CARS1: variants seen among roughly 807,000 people sequenced by gnomAD.
CARS1 encodes the protein cysteinyl-tRNA synthetase 1, also known as cysteine--tRNA ligase, cytoplasmic.
In CARS1, 48 loss-of-function variants were observed where a neutral mutation model predicts 106.2. The observed-to-expected ratio is 0.45, with a 90% CI of 0.36 to 0.57. The LOEUF is 0.57. CARS1 is among the 20% of genes least tolerant of loss of function. The pLI, the probability that CARS1 is intolerant of heterozygous loss-of-function variation, is 0.00. For missense variants in CARS1, 968 were observed against 1,057.2 expected, an observed-to-expected ratio of 0.92 and a Z score of 1.17; for synonymous variants, 409 against 403.4, an observed-to-expected ratio of 1.01 and a Z score of -0.17.
chr11:3,027,916 C>T, intron 9 of CARS1: 1 of 451,418 alleles, frequency 2.2e-6, no homozygotes, highest in Admixed American at 2.4e-5. Context: ...GACTCTGCTC[C>T]TCCACCTCTT....
At chr11:3,027,675 G>C in intron 9 of CARS1, 1 of 286,442 alleles carries the variant, frequency 3.5e-6, no homozygotes, top group South Asian at 3.0e-5. Context: ...AGAGATAGCA[G>C]CTGAGGGGAC....
Position 3,037,979 on chromosome 11 carries a change from A to G in CARS1, c.801+71T>C. The G allele has an allele frequency of 7.0e-7, 1 of 1,426,714 alleles. No individual in the cohort carries two copies. The highest frequency in any genetic ancestry group is 2.1e-4 in the Middle Eastern group (1 of 4,692). The allele number at this position is 1,426,714 out of a possible 1,614,324, so 88.4% of individuals were successfully genotyped here. A position where few individuals can be genotyped will look rare whatever the true frequency, so the allele number is the denominator to read the frequency against. ...GACAATCTGTGGAATCAATCCGTGC[A>G]CACAGATCAGTCTATGCACGGCCCG... On this transcript the variant is annotated intron_variant, in intron 7 of 22. Transcript: ENST00000380525. The surrounding 1 kb of genome is among the most constrained non-coding windows in gnomAD (Gnocchi z 5.9).
In CARS1 at chr11:3,006,821, T is replaced by C. The variant is rs1849913946; in HGVS notation, c.2149+58A>G. On this transcript the variant is annotated intron_variant, in intron 19 of 22. Transcript: ENST00000380525. Reference sequence around the variant, plus strand: ...CTCAGCCCAGCCCCGGGAGCTCTCCTTGTGACACCTCTCCAAGCTCCTGGT... The same window carrying C: ...CTCAGCCCAGCCCCGGGAGCTCTCCCTGTGACACCTCTCCAAGCTCCTGGT... 5.8e-6 allele frequency: 8 copies of C among 1,372,248 alleles called. 1 individual carries two copies. The highest frequency in any genetic ancestry group is 1.8e-4 in the Middle Eastern group (1 of 5,592). 85.0% of individuals were successfully genotyped at this position (1,372,248 alleles called of 1,614,324 possible). A position where few individuals can be genotyped will look rare whatever the true frequency, so the allele number is the denominator to read the frequency against.
intron 19 of CARS1, 129 bp from the exon 20 acceptor site, chr11:3,005,562 A>G: frequency 3.1e-6 from 2 of 642,172 alleles, no homozygotes; most frequent in Non-Finnish European, 5.5e-6. Flanking sequence ...GGCCCACAGG[A>G]GAAAAACAAA....
At chr11:3,042,754 C>A (rs115747142) in intron 2 of CARS1, among the ~76,000 whole-genome samples, 1,586 of 152,274 alleles carry the variant, frequency 0.01, 31 homozygotes, top group African/African-American at 0.036. Flanking sequence ...TGGGAACCTC[C>A]CCCACCCAGG....
rs961202439 is a variant in CARS1 at position 3,041,294 on chromosome 11, A to T, written c.367-310T>A. The T allele has an allele frequency of 1.0e-5, 4 of 394,672 alleles. No homozygotes were observed. The highest frequency in any genetic ancestry group is 1.9e-5 in the Non-Finnish European group (4 of 213,228). 24.4% of individuals were successfully genotyped at this position (394,672 alleles called of 1,614,324 possible). A position where few individuals can be genotyped will look rare whatever the true frequency, so the allele number is the denominator to read the frequency against. ...TTGAAATGCTGCTTATTTAACAATA[A>T]CACAGCTAATATTTACTGAGTACCT... is the stretch of plus-strand genomic sequence containing the variant. On this transcript the variant is annotated intron_variant, in intron 3 of 22. Transcript: ENST00000380525. This position sits in a 1 kb window ranked among gnomAD's most constrained non-coding sequence, Gnocchi z 4.9.
chr11:3,001,364 T>C (rs551164830), intron 22 of CARS1, 116 bp from the exon 23 acceptor site: 1 of 1,203,396 alleles, frequency 8.3e-7, no homozygotes, highest in South Asian at 1.4e-5. Flanking sequence ...CCATGTCCTC[T>C]TGCTTGGACA....
Position 3,029,124 on chromosome 11 carries a change from G to A in CARS1, c.943-40C>T, listed in dbSNP as rs1852425133. On this transcript the variant is annotated intron_variant, in intron 8 of 22. Transcript: ENST00000380525. The surrounding 1 kb of genome is among the most constrained non-coding windows in gnomAD (Gnocchi z 5.9). ...AGAATGTCCTGGGATTTTCCCTTCT[G>A]AAAACCACGCGCTCCATAAAAACGT... The A allele has an allele frequency of 6.6e-7, 1 of 1,517,780 alleles. No homozygotes were observed. The highest frequency in any genetic ancestry group is 1.4e-5 in the African/African-American group (1 of 72,960). 94.0% of individuals were successfully genotyped at this position (1,517,780 alleles called of 1,614,324 possible).
intron 7 of CARS1, chr11:3,031,159 T>C (rs1218939459): frequency 6.6e-6 from 1 of 152,128 alleles, no homozygotes; most frequent in African/African-American, 2.4e-5. Context: ...AAATATCCAA[T>C]AGGATAAGTA....
intron 7 of CARS1, among the ~76,000 whole-genome samples, chr11:3,036,958 T>A (rs965795533): frequency 1.3e-5 from 2 of 151,874 alleles, no homozygotes; most frequent in African/African-American, 2.4e-5. Flanking sequence ...AAAAAGTTTT[T>A]AAAAATGGCT....
At chr11:3,013,943 T>A (rs866778544) in intron 17 of CARS1, among the ~76,000 whole-genome samples, 7 of 152,146 alleles carry the variant, frequency 4.6e-5, no homozygotes, top group Non-Finnish European at 7.3e-5. Context: ...AGAGTGAGAC[T>A]CTGTCTCAAA....
In CARS1 at chr11:3,006,885, G is replaced by A. The variant is rs1407054593; in HGVS notation, c.2143C>T (p.His715Tyr). The A allele has an allele frequency of 6.2e-7, 1 of 1,613,550 alleles. No individual in the cohort carries two copies. The highest frequency in any genetic ancestry group is 1.7e-5 in the Admixed American group (1 of 60,026). ...LPELGVRFED[H>Y]EGLPTVVKLV... ...ACAGCAAGGGCTCACCCACCTTCGTGGTCTTCAAACCGCACCCCAAGCTCG... is the reference window on the plus strand; with the variant it reads ...ACAGCAAGGGCTCACCCACCTTCGTAGTCTTCAAACCGCACCCCAAGCTCG... Residue 715 changes from histidine (H) to tyrosine (Y), a missense_variant, in exon 19 of 23, where the codon CAC (histidine) becomes TAC (tyrosine). His to Tyr is a moderately conservative substitution (Grantham distance 83). Coordinates refer to ENST00000380525, the MANE Select transcript of CARS1 (RefSeq NM_001014437.3).
rs111549151 is a variant in CARS1, at chr11:3,037,091, G to A, written c.801+959C>T. ...TGGTAAGAAGGAAACCTAACTGCCC[G>A]TCCCAGGAGAACAGACAAACAGCTC... is the stretch of plus-strand genomic sequence containing the variant. On this transcript the variant is annotated intron_variant, in intron 7 of 22. Coordinates refer to ENST00000380525, the MANE Select transcript of CARS1 (RefSeq NM_001014437.3). The surrounding 1 kb of genome is among the most constrained non-coding windows in gnomAD (Gnocchi z 5.9). Among the ~76,000 whole-genome samples the A allele has an allele frequency of 1.1e-4, 16 of 152,194 alleles. No homozygotes were observed. The highest frequency in any genetic ancestry group is 1.9e-4 in the East Asian group (1 of 5,186).
rs1854736588 is a variant in CARS1 at position 3,043,460 on chromosome 11, G to T, written c.275-1204C>A. On this transcript the variant is annotated intron_variant, in intron 2 of 22. Coordinates refer to ENST00000380525, the MANE Select transcript of CARS1 (RefSeq NM_001014437.3). The surrounding 1 kb of genome is among the most constrained non-coding windows in gnomAD (Gnocchi z 4.0). The stretch of plus-strand genomic sequence containing the variant: ...CCAGGTTCTGCGTTATGCTCTGCTG[G>T]GCACCTCTGACCCCAGCTGGTGCCT... Among the ~76,000 whole-genome samples, 3 of 151,574 alleles carry T rather than the reference G, an allele frequency of 2.0e-5. No homozygotes were observed. Among genetic ancestry groups the T allele is most frequent in the Non-Finnish European group, 4.4e-5 (3 of 67,920 alleles).
At position 3,044,593 on chromosome 11, in the gene CARS1, C is replaced by T. The variant is rs1854886993; in HGVS notation, c.275-2337G>A. 6.6e-6 allele frequency among the ~76,000 whole-genome samples: 1 copy of T among 152,150 alleles called. No individual in the cohort carries two copies. Among genetic ancestry groups the T allele is most frequent in the Admixed American group, 6.5e-5 (1 of 15,284 alleles). Reference sequence around the variant, plus strand: ...TGTATCTTTAGTAGGGATGGGGTTTCACCATATTGGCCAGGCTGGTCTCAA... The same window carrying T: ...TGTATCTTTAGTAGGGATGGGGTTTTACCATATTGGCCAGGCTGGTCTCAA... On this transcript the variant is annotated intron_variant, in intron 2 of 22. Coordinates refer to ENST00000380525, the MANE Select transcript of CARS1 (RefSeq NM_001014437.3). The surrounding 1 kb of genome is among the most constrained non-coding windows in gnomAD (Gnocchi z 4.4).
chr11:3,047,337 A>C (rs994154090), intron 2 of CARS1, among the ~76,000 whole-genome samples: 27 of 152,220 alleles, frequency 1.8e-4, no homozygotes, highest in Non-Finnish European at 1.2e-4. Flanking sequence ...ACAATTCTAA[A>C]GCTGGAGGAT....
At position 3,037,489 on chromosome 11, in the gene CARS1, T is replaced by C. The variant is rs1183953036; in HGVS notation, c.801+561A>G. On this transcript the variant is annotated intron_variant, in intron 7 of 22. Coordinates refer to ENST00000380525, the MANE Select transcript of CARS1 (RefSeq NM_001014437.3). This position sits in a 1 kb window ranked among gnomAD's most constrained non-coding sequence, Gnocchi z 5.9. ...CGGCGCTGGCACAAAGGAGAAGGCC[T>C]TCCTGACTGTGTCCAGGGCGCCAGC... Among the ~76,000 whole-genome samples the C allele has an allele frequency of 6.6e-6, 1 of 152,196 alleles. No homozygotes were observed. Among genetic ancestry groups the C allele is most frequent in the Non-Finnish European group, 1.5e-5 (1 of 68,040 alleles).
chr11:3,028,786 C>T lies in CARS1; in HGVS notation c.1031+210G>A. 1 of 546,936 alleles carries T rather than the reference C, an allele frequency of 1.8e-6. No homozygotes were observed. The highest frequency in any genetic ancestry group is 2.7e-5 in the South Asian group (1 of 36,558). The allele number at this position is 546,936 out of a possible 1,614,324, so 33.9% of individuals were successfully genotyped here. On this transcript the variant is annotated intron_variant, in intron 9 of 22. Transcript: ENST00000380525. The surrounding 1 kb of genome is among the most constrained non-coding windows in gnomAD (Gnocchi z 4.4). The stretch of plus-strand genomic sequence containing the variant: ...TTCCCAGCAGATTCTGGGTTAGGTT[C>T]TCACCATGGCCCCCAGGACAGTGCA...
chr11:3,052,611 A>G lies in CARS1; in HGVS notation c.26-4610T>C, dbSNP rs1428652755. Among the ~76,000 whole-genome samples, 6 of 152,230 alleles carry G rather than the reference A, an allele frequency of 3.9e-5. No individual in the cohort carries two copies. The East Asian group carries it at 1.2e-3, about 29-fold the overall frequency. On this transcript the variant is annotated intron_variant, in intron 1 of 22. Transcript: ENST00000380525. This position sits in a 1 kb window ranked among gnomAD's most constrained non-coding sequence, Gnocchi z 4.6. The stretch of plus-strand genomic sequence containing the variant: ...GGCTCATCAAAAGGGAACCAAGACC[A>G]TGCTTGGGAAGGATCTTCTCAGAGC...
Sources: gnomAD v4.1 joint callset for allele counts (sites outside exome capture counted in the v4.1 genomes callset) on GRCh38, gnomAD v4.1.1 for gene constraint, Gnocchi (gnomAD v3.1) non-coding constraint, MANE v1.5 for transcripts, NCBI Gene and HGNC (gene_info 2026-07-23, HGNC 2026-07-21) for gene names.